Variants in SGCD observed in about 807,000 individuals in gnomAD.
SGCD encodes sarcoglycan delta.
Under a neutral mutation model 36.6 loss-of-function variants are expected in SGCD, and 18 were observed. The observed-to-expected ratio is 0.49, with a 90% CI of 0.34 to 0.73. The LOEUF is 0.73. SGCD is among the 30% of genes least tolerant of loss of function. The probability of loss-of-function intolerance (pLI) is 0.01; values close to 1 mark genes in which losing one functional copy is unlikely to be tolerated. For missense variants in SGCD, 387 were observed against 346.7 expected (o/e 1.12, Z -0.92); for synonymous variants, 133 against 130.6 (o/e 1.02, Z -0.12).
chr5:156,203,500 G>A (rs952677656), intron 3 of SGCD, among the ~76,000 whole-genome samples: 1 of 152,096 alleles, frequency 6.6e-6, no homozygotes, highest in Non-Finnish European at 1.5e-5. Context: ...AATTATAAAG[G>A]TATTTAATGA....
chr5:156,622,738 C>T (rs1047486288), intron 6 of SGCD, among the ~76,000 whole-genome samples: 16 of 152,002 alleles, frequency 1.1e-4, no homozygotes, highest in African/African-American at 3.9e-4. Context: ...CTGGGAGAAA[C>T]TTAGCAAGAC....
Position 156,558,088 on chromosome 5 carries a change from A to AATGT in SGCD, c.295-31141_295-31140insGTAT, listed in dbSNP as rs1330398244. The stretch of plus-strand genomic sequence containing the variant: ...ACTGAGTGTGTTATTAGTAAATACA[A>AATGT]ATATATATATATATATATATATATA... On this transcript the variant is annotated intron_variant, in intron 4 of 8. Transcript: ENST00000337851. Among the ~76,000 whole-genome samples the AATGT allele has an allele frequency of 7.1e-4, 68 of 95,574 alleles. 1 individual carries two copies. The highest frequency in any genetic ancestry group is 2.6e-3 in the African/African-American group (66 of 25,338). 62.7% of individuals were successfully genotyped at this position (95,574 alleles called of 152,430 possible).
intron 6 of SGCD, among the ~76,000 whole-genome samples, chr5:156,610,338 G>C (rs1462441636): frequency 6.6e-6 from 1 of 152,220 alleles, no homozygotes. Flanking sequence ...GGTATCAGCA[G>C]TGGAGGCTGC....
At chr5:156,656,265 C>A (rs969978114) in intron 7 of SGCD, among the ~76,000 whole-genome samples, 1 of 151,940 alleles carries the variant, frequency 6.6e-6, no homozygotes, top group Admixed American at 6.6e-5. Flanking sequence ...AATGAAAACT[C>A]AAATAATTGA....
At chr5:156,091,690 G>A (rs1761248669) in intron 1 of SGCD, among the ~76,000 whole-genome samples, 1 of 152,248 alleles carries the variant, frequency 6.6e-6, no homozygotes, top group African/African-American at 2.4e-5. Context: ...GGTTTAAAGT[G>A]ATAGTGGTTT....
intron 1 of SGCD, among the ~76,000 whole-genome samples, chr5:155,921,143 G>A (rs1457158117): frequency 6.6e-6 from 1 of 152,184 alleles, no homozygotes; most frequent in East Asian, 1.9e-4. Context: ...CAAAAGCCAA[G>A]GAGGGAGAGC....
intron 1 of SGCD, among the ~76,000 whole-genome samples, chr5:156,034,883 T>G: frequency 6.6e-6 from 1 of 152,222 alleles, no homozygotes; most frequent in Non-Finnish European, 1.5e-5. Context: ...TGAAAACTAC[T>G]TTAGTTAAAA....
At chr5:156,128,735 T>C (rs1216263104) in intron 3 of SGCD, among the ~76,000 whole-genome samples, 1 of 152,174 alleles carries the variant, frequency 6.6e-6, no homozygotes, top group Non-Finnish European at 1.5e-5. Flanking sequence ...ATGTAAGACA[T>C]GCTTTGTTTC....
At chr5:155,963,658 A>T (rs1757838187) in intron 1 of SGCD, among the ~76,000 whole-genome samples, 1 of 152,150 alleles carries the variant, frequency 6.6e-6, no homozygotes, top group Admixed American at 6.6e-5. Flanking sequence ...ACTGAGACTC[A>T]GGGAGTAAAG....
At chr5:156,054,093 T>C (rs1467683516) in intron 1 of SGCD, among the ~76,000 whole-genome samples, 1 of 145,388 alleles carries the variant, frequency 6.9e-6, no homozygotes, top group Non-Finnish European at 1.5e-5. Context: ...GCAAATCATA[T>C]ATATTTGGGT....
At chr5:155,845,013 G>T in the SGCD span, among the ~76,000 whole-genome samples, 4 of 152,040 alleles carry the variant, frequency 2.6e-5, no homozygotes, top group African/African-American at 7.2e-5. Flanking sequence ...TTCTCCTAAT[G>T]CTATTCCTCC....
intron 3 of SGCD, among the ~76,000 whole-genome samples, chr5:156,389,697 G>A (rs1021615878): frequency 8.5e-5 from 13 of 152,204 alleles, no homozygotes; most frequent in Non-Finnish European, 1.6e-4. Context: ...CATTCCTAAC[G>A]GGCCACAGGC....
At chr5:156,509,467 G>T (rs912811069) in intron 4 of SGCD, among the ~76,000 whole-genome samples, 2 of 152,130 alleles carry the variant, frequency 1.3e-5, no homozygotes, top group African/African-American at 4.8e-5. Context: ...ATTCTGAAAT[G>T]GTATTTAAAT....
At chr5:156,322,824 C>T (rs1767706657), upstream of SGCD, among the ~76,000 whole-genome samples, 1 of 152,198 alleles carries the variant, frequency 6.6e-6, no homozygotes, top group African/African-American at 2.4e-5. Context: ...AGGGTTGCTG[C>T]TGTTCCCTTT....
chr5:156,168,797 T>A (rs940729623), intron 3 of SGCD, among the ~76,000 whole-genome samples: 1 of 152,232 alleles, frequency 6.6e-6, no homozygotes, highest in African/African-American at 2.4e-5. Context: ...ACCTGTTCTA[T>A]GCCAGGTGCT....
At chr5:156,687,648 C>T (rs902362791) in intron 7 of SGCD, among the ~76,000 whole-genome samples, 7 of 152,210 alleles carry the variant, frequency 4.6e-5, no homozygotes, top group Non-Finnish European at 8.8e-5. Context: ...AAATGTGTAA[C>T]GCTTCCATTC....
chr5:156,258,383 A>G (rs1390019125), intron 3 of SGCD, among the ~76,000 whole-genome samples: 1 of 152,230 alleles, frequency 6.6e-6, no homozygotes, highest in East Asian at 1.9e-4. Flanking sequence ...ATATGGGGTA[A>G]AAATGAATTC....
chr5:155,799,165 A>G, the SGCD span, among the ~76,000 whole-genome samples: 6 of 152,162 alleles, frequency 3.9e-5, no homozygotes, highest in Non-Finnish European at 5.9e-5. Context: ...AATGATTCAC[A>G]TATCTGTTAA....
chr5:156,624,175 T>TG (rs1762357356), intron 6 of SGCD, among the ~76,000 whole-genome samples: 1 of 151,920 alleles, frequency 6.6e-6, no homozygotes, highest in African/African-American at 2.4e-5. Context: ...CACTGAGAAG[T>TG]GGAAATTTGA....
Sources: allele counts gnomAD v4.1 joint callset (sites outside exome capture counted in the v4.1 genomes callset), GRCh38; gene constraint gnomAD v4.1.1; transcripts MANE v1.5; gene names NCBI Gene and HGNC (gene_info 2026-07-23, HGNC 2026-07-21).